The following DCUN1D5 variants were observed in gnomAD, a reference collection of about 807,000 sequenced individuals.
The protein encoded by DCUN1D5 is DCN1-like protein 5.
DCUN1D5 carries 10 observed loss-of-function variants against 38.3 expected under a neutral mutation model. The ratio of observed to expected loss-of-function variants is 0.26; its 90% CI spans 0.16 to 0.44. The LOEUF (loss-of-function observed/expected upper bound fraction) is 0.44, where lower values mean the gene tolerates loss of function less well. Among genes scored for constraint, DCUN1D5 ranks in the 20% least tolerant of loss-of-function variants. DCUN1D5 has a pLI of 1.00. For missense variants in DCUN1D5, 148 were observed against 275.3 expected (o/e 0.54, Z 3.27); for synonymous variants, 93 against 90.9 (o/e 1.02, Z -0.13).
Position 103,060,828 on chromosome 11 carries a change from C to T in DCUN1D5, c.*1531G>A, listed in dbSNP as rs532166981. Among the ~76,000 whole-genome samples the T allele has an allele frequency of 4.1e-4, 63 of 152,230 alleles. No homozygotes were observed. The highest frequency in any genetic ancestry group is 1.5e-3 in the African/African-American group (62 of 41,548). ...ATTTAAAGGTCTACAAATCTAAATG[C>T]TTTCCTTATAATAAATTTGATATTA... is the stretch of plus-strand genomic sequence containing the variant. On this transcript the variant is annotated 3_prime_UTR_variant, in exon 8 of 8. Coordinates refer to ENST00000260247, the MANE Select transcript of DCUN1D5 (RefSeq NM_032299.4).
chr11:103,053,372 A>AGAG lies in DCUN1D5; in HGVS notation c.*8984_*8986dup, dbSNP rs1247650331. The stretch of plus-strand genomic sequence containing the variant: ...ATTGACATTACAGATTAATTTCCTA[A>AGAG]GAGATTTGCATTTCTAAATATGTCT... On this transcript the variant is annotated 3_prime_UTR_variant, in exon 8 of 8. Coordinates refer to ENST00000260247, the MANE Select transcript of DCUN1D5 (RefSeq NM_032299.4). This position sits in a 1 kb window ranked among gnomAD's most constrained non-coding sequence, Gnocchi z 4.8. 3.5e-4 allele frequency: 53 copies of AGAG among 152,256 alleles called. No homozygotes were observed. Among genetic ancestry groups the AGAG allele is most frequent in the African/African-American group, 1.3e-3 (52 of 41,572 alleles). 9.4% of individuals were successfully genotyped at this position (152,256 alleles called of 1,614,324 possible). A position where few individuals can be genotyped will look rare whatever the true frequency, so the allele number is the denominator to read the frequency against.
At chr11:103,080,873 G>A (rs112340182) in intron 4 of DCUN1D5, among the ~76,000 whole-genome samples, 212 of 152,200 alleles carry the variant, frequency 1.4e-3, no homozygotes, top group African/African-American at 4.4e-3. Flanking sequence ...TTAGCCGGGC[G>A]TGGAGGCACA....
chr11:103,074,839 C>A (rs1279932022), intron 4 of DCUN1D5, among the ~76,000 whole-genome samples: 6 of 152,172 alleles, frequency 3.9e-5, no homozygotes, highest in African/African-American at 1.4e-4. Flanking sequence ...CTTAAAGGGT[C>A]TGATTCTCAA....
At chr11:103,076,834 T>G (rs1262644462) in intron 4 of DCUN1D5, among the ~76,000 whole-genome samples, 1 of 152,192 alleles carries the variant, frequency 6.6e-6, no homozygotes, top group Non-Finnish European at 1.5e-5. Flanking sequence ...TGGTAGAAAC[T>G]ACGTCATACC....
At chr11:103,072,182 C>T (rs183017896) in intron 4 of DCUN1D5, among the ~76,000 whole-genome samples, 4 of 151,940 alleles carry the variant, frequency 2.6e-5, no homozygotes, top group South Asian at 2.1e-4. Flanking sequence ...CCACTCTTAT[C>T]GACATAGTGG....
chr11:103,089,334 G>A lies in DCUN1D5; in HGVS notation c.87-16C>T, dbSNP rs774256913. The stretch of plus-strand genomic sequence containing the variant: ...TCTGCAATAGCTTAGAAAACACACA[G>A]ACGCCTAAGATTTTTATCACATCTC... On this transcript the variant is annotated splice_polypyrimidine_tract_variant and intron_variant, in intron 1 of 7. Transcript: ENST00000260247. 2.5e-6 allele frequency: 4 copies of A among 1,584,336 alleles called. No individual in the cohort carries two copies. In the South Asian group the frequency reaches 4.6e-5, roughly 18 times the overall value.
Position 103,052,453 on chromosome 11 carries a change from A to T in DCUN1D5, c.*9906T>A, listed in dbSNP as rs1334158377. Reference sequence around the variant, plus strand: ...TGGTGGAAACAAGTGAGGAACACCTATGAATAACATGGTCTCTGTTCACAG... The same window carrying T: ...TGGTGGAAACAAGTGAGGAACACCTTTGAATAACATGGTCTCTGTTCACAG... On this transcript the variant is annotated 3_prime_UTR_variant, in exon 8 of 8. Coordinates refer to ENST00000260247, the MANE Select transcript of DCUN1D5 (RefSeq NM_032299.4). 1 of 152,188 alleles carries T rather than the reference A, an allele frequency of 6.6e-6. No individual in the cohort carries two copies. The highest frequency in any genetic ancestry group is 1.5e-5 in the Non-Finnish European group (1 of 68,010). 9.4% of individuals were successfully genotyped at this position (152,188 alleles called of 1,614,324 possible). A position where few individuals can be genotyped will look rare whatever the true frequency, so the allele number is the denominator to read the frequency against.
Position 103,054,482 on chromosome 11 carries a change from G to T in DCUN1D5, c.*7877C>A, listed in dbSNP as rs1424658248. The T allele has an allele frequency of 1.3e-5, 2 of 152,004 alleles. No individual in the cohort carries two copies. The highest frequency in any genetic ancestry group is 2.9e-5 in the Non-Finnish European group (2 of 67,968). 9.4% of individuals were successfully genotyped at this position (152,004 alleles called of 1,614,324 possible). A position where few individuals can be genotyped will look rare whatever the true frequency, so the allele number is the denominator to read the frequency against. On this transcript the variant is annotated 3_prime_UTR_variant, in exon 8 of 8. Coordinates refer to ENST00000260247, the MANE Select transcript of DCUN1D5 (RefSeq NM_032299.4). ...GGAGGCACCAAAAATAAGTGAGTCA[G>T]GATTTCTATTATTGAAGGGAAAAAG...
chr11:103,066,919 A>C lies in DCUN1D5; in HGVS notation c.342-352T>G, dbSNP rs1399125601. ...TCACATATACAGCTAAAAATGGCAG[A>C]GCAAATGAAACTAATCACGCCTTTG... On this transcript the variant is annotated intron_variant, in intron 4 of 7. Coordinates refer to ENST00000260247, the MANE Select transcript of DCUN1D5 (RefSeq NM_032299.4). This position sits in a 1 kb window ranked among gnomAD's most constrained non-coding sequence, Gnocchi z 4.7. Among the ~76,000 whole-genome samples the C allele has an allele frequency of 1.3e-5, 2 of 152,338 alleles. No homozygotes were observed. The highest frequency in any genetic ancestry group is 3.4e-3 in the Middle Eastern group (1 of 294).
At position 103,062,100 on chromosome 11, in the gene DCUN1D5, C is replaced by G. The variant is rs747432413; in HGVS notation, c.*259G>C. The stretch of plus-strand genomic sequence containing the variant: ...TCACTTTAAGGCCTTTGTCACAAAT[C>G]TGAATCTTTATTGTTCTGAAATAAA... On this transcript the variant is annotated 3_prime_UTR_variant, in exon 8 of 8. Coordinates refer to ENST00000260247, the MANE Select transcript of DCUN1D5 (RefSeq NM_032299.4). The surrounding 1 kb of genome is among the most constrained non-coding windows in gnomAD (Gnocchi z 4.6). 5 of 380,290 alleles carry G rather than the reference C, an allele frequency of 1.3e-5. No individual in the cohort carries two copies. Among genetic ancestry groups the G allele is most frequent in the African/African-American group, 2.1e-5 (1 of 47,774 alleles). The allele number at this position is 380,290 out of a possible 1,614,324, so 23.6% of individuals were successfully genotyped here.
In DCUN1D5 at chr11:103,087,799, A is replaced by G. The variant is rs1264962670; in HGVS notation, c.178+1428T>C. On this transcript the variant is annotated intron_variant, in intron 2 of 7. Coordinates refer to ENST00000260247, the MANE Select transcript of DCUN1D5 (RefSeq NM_032299.4). This position sits in a 1 kb window ranked among gnomAD's most constrained non-coding sequence, Gnocchi z 4.1. ...TGCTAATATAGTAAACAAATGTTTA[A>G]TTAGAATCTTACACTACCTAGGAAA... is the stretch of plus-strand genomic sequence containing the variant. Among the ~76,000 whole-genome samples, 2 of 152,238 alleles carry G rather than the reference A, an allele frequency of 1.3e-5. No homozygotes were observed. Among genetic ancestry groups the G allele is most frequent in the Admixed American group, 1.3e-4 (2 of 15,292 alleles).
chr11:103,084,086 T>C (rs1471791568), intron 2 of DCUN1D5, among the ~76,000 whole-genome samples: 1 of 152,238 alleles, frequency 6.6e-6, no homozygotes, highest in African/African-American at 2.4e-5. Context: ...ATTATCATTT[T>C]TTCAAAATGT....
chr11:103,066,372 T>C lies in DCUN1D5; in HGVS notation c.452A>G (p.Asp151Gly). 1.2e-6 allele frequency: 2 copies of C among 1,606,926 alleles called. No homozygotes were observed. Among genetic ancestry groups the C allele is most frequent in the Non-Finnish European group, 1.7e-6 (2 of 1,177,280 alleles). ...IYRYAFDFAR[D>G]KDQRSLDIDT... ...AATATCAAGGCTTCTCTGATCTTTA[T>C]CCTAAAATATAAGTGAAAAAGTTTT... is the stretch of plus-strand genomic sequence containing the variant. The change falls in exon 6 of 8, where the codon GAT becomes GGT. Residue 151 changes from aspartate (D) to glycine (G), a missense_variant and splice_region_variant. By Grantham distance (94) the Asp-to-Gly change is moderately conservative. Transcript: ENST00000260247. The surrounding 1 kb of genome is among the most constrained non-coding windows in gnomAD (Gnocchi z 4.7).
Position 103,077,173 on chromosome 11 carries a change from C to T in DCUN1D5, c.341+5575G>A, listed in dbSNP as rs1862430869. ...CGAGATCGCGCCACTGCACTCCAGC[C>T]TGGGAGACTGAGCAAGACGCCGTCT... On this transcript the variant is annotated intron_variant, in intron 4 of 7. Coordinates refer to ENST00000260247, the MANE Select transcript of DCUN1D5 (RefSeq NM_032299.4). The surrounding 1 kb of genome is among the most constrained non-coding windows in gnomAD (Gnocchi z 4.3). Among the ~76,000 whole-genome samples, 1 of 152,046 alleles carries T rather than the reference C, an allele frequency of 6.6e-6. No homozygotes were observed. Among genetic ancestry groups the T allele is most frequent in the African/African-American group, 2.4e-5 (1 of 41,384 alleles).
Position 103,059,823 on chromosome 11 carries a change from T to C in DCUN1D5, c.*2536A>G, listed in dbSNP as rs1000175232. 5.9e-5 allele frequency among the ~76,000 whole-genome samples: 9 copies of C among 152,110 alleles called. No individual in the cohort carries two copies. The highest frequency in any genetic ancestry group is 1.3e-4 in the Non-Finnish European group (9 of 68,028). ...TTCTCCCAGTAGTATTACATTTGTA[T>C]AATATTCTTATAGAAACAACTCAAC... On this transcript the variant is annotated 3_prime_UTR_variant, in exon 8 of 8. Transcript: ENST00000260247.
rs1011508976 is a variant in DCUN1D5 at position 103,064,818 on chromosome 11, C to T, written c.556-441G>A. On this transcript the variant is annotated intron_variant, in intron 6 of 7. Coordinates refer to ENST00000260247, the MANE Select transcript of DCUN1D5 (RefSeq NM_032299.4). The surrounding 1 kb of genome is among the most constrained non-coding windows in gnomAD (Gnocchi z 4.5). Reference sequence around the variant, plus strand: ...AGTATAGGCTTCGATTTAAATCCCACCCTTGCCACTTAATTGAGTGATTTT... The same window carrying T: ...AGTATAGGCTTCGATTTAAATCCCATCCTTGCCACTTAATTGAGTGATTTT... Among the ~76,000 whole-genome samples, 1 of 152,158 alleles carries T rather than the reference C, an allele frequency of 6.6e-6. No homozygotes were observed. The highest frequency in any genetic ancestry group is 1.5e-5 in the Non-Finnish European group (1 of 68,026).
At position 103,051,245 on chromosome 11, in the gene DCUN1D5, G is replaced by GA. The variant is rs1438001576; in HGVS notation, c.*11113dup. The GA allele has an allele frequency of 6.6e-6, 1 of 151,948 alleles. No homozygotes were observed. The highest frequency in any genetic ancestry group is 1.5e-5 in the Non-Finnish European group (1 of 67,958). 9.4% of individuals were successfully genotyped at this position (151,948 alleles called of 1,614,324 possible). On this transcript the variant is annotated 3_prime_UTR_variant, in exon 8 of 8. Transcript: ENST00000260247. Reference sequence around the variant, plus strand: ...AATTTAAAACAAATTACTGGTTAAGGAAAAAAATGACTCATTAGTAAGTAA... The same window carrying GA: ...AATTTAAAACAAATTACTGGTTAAGGAAAAAAAATGACTCATTAGTAAGTAA...
rs1439241198 is a variant in DCUN1D5, at chr11:103,051,136, T to C, written c.*11223A>G. On this transcript the variant is annotated 3_prime_UTR_variant, in exon 8 of 8. Coordinates refer to ENST00000260247, the MANE Select transcript of DCUN1D5 (RefSeq NM_032299.4). ...ATACATTGGAAGTTCAAGAACCAGATTTCCCTTATTCAGTTGGTGGTCTGT... is the reference window on the plus strand; with the variant it reads ...ATACATTGGAAGTTCAAGAACCAGACTTCCCTTATTCAGTTGGTGGTCTGT... 6.6e-6 allele frequency: 1 copy of C among 152,218 alleles called. No individual in the cohort carries two copies. Among genetic ancestry groups the C allele is most frequent in the Non-Finnish European group, 1.5e-5 (1 of 68,040 alleles). 9.4% of individuals were successfully genotyped at this position (152,218 alleles called of 1,614,324 possible). A position where few individuals can be genotyped will look rare whatever the true frequency, so the allele number is the denominator to read the frequency against.
In DCUN1D5 at chr11:103,091,622, G is replaced by C. The variant is rs1418666708; in HGVS notation, c.86+165C>G. ...TGCACACACTCGAACACGAGGTCGGGTCGGGCGCGGAGACTCGCGGTGTTC... is the reference window on the plus strand; with the variant it reads ...TGCACACACTCGAACACGAGGTCGGCTCGGGCGCGGAGACTCGCGGTGTTC... On this transcript the variant is annotated intron_variant, in intron 1 of 7. Transcript: ENST00000260247. This position sits in a 1 kb window ranked among gnomAD's most constrained non-coding sequence, Gnocchi z 4.3. 1.6e-6 allele frequency: 2 copies of C among 1,278,254 alleles called. No individual in the cohort carries two copies. The highest frequency in any genetic ancestry group is 2.9e-5 in the African/African-American group (2 of 67,802). 79.2% of individuals were successfully genotyped at this position (1,278,254 alleles called of 1,614,324 possible). A position where few individuals can be genotyped will look rare whatever the true frequency, so the allele number is the denominator to read the frequency against.
Sources: gnomAD v4.1 joint callset for allele counts (sites outside exome capture counted in the v4.1 genomes callset) on GRCh38, gnomAD v4.1.1 for gene constraint, Gnocchi (gnomAD v3.1) non-coding constraint, MANE v1.5 for transcripts, NCBI Gene and HGNC (gene_info 2026-07-23, HGNC 2026-07-21) for gene names.